SH3GL2: variants seen among roughly 807,000 people sequenced by gnomAD.
SH3GL2 encodes endophilin-A1.
Under a neutral mutation model 46.0 loss-of-function variants are expected in SH3GL2, and 24 were observed. That is an observed-to-expected ratio of 0.52 (90% confidence interval 0.38 to 0.73). The LOEUF (loss-of-function observed/expected upper bound fraction) is 0.73, where lower values mean the gene tolerates loss of function less well. Ranked by LOEUF, SH3GL2 falls within the 30% of genes least tolerant of loss-of-function variation. The pLI is 0.00. For synonymous variants in SH3GL2, 196 were observed against 147.1 expected (o/e 1.33, Z -2.40); for missense variants, 413 against 424.2 (o/e 0.97, Z 0.23).
intron 1 of SH3GL2, among the ~76,000 whole-genome samples, chr9:17,730,283 T>G (rs1398264737): frequency 1.3e-5 from 2 of 152,022 alleles, no homozygotes; most frequent in Non-Finnish European, 1.5e-5. Flanking sequence ...TATGGGAATG[T>G]TTTTGATTTT....
intron 2 of SH3GL2, among the ~76,000 whole-genome samples, chr9:17,749,643 C>G (rs1822789303): frequency 6.6e-6 from 1 of 152,152 alleles, no homozygotes; most frequent in African/African-American, 2.4e-5. Context: ...AAGCTAACTT[C>G]CTGTTTCTTA....
At chr9:17,755,869 T>A (rs1037621106) in intron 2 of SH3GL2, 1 of 615,350 alleles carries the variant, frequency 1.6e-6, no homozygotes, top group African/African-American at 2.0e-5. Context: ...GTAACCCCAT[T>A]CTAGTCATTT....
intron 1 of SH3GL2, among the ~76,000 whole-genome samples, chr9:17,710,952 C>T (rs1821605183): frequency 6.6e-6 from 1 of 151,910 alleles, no homozygotes; most frequent in Admixed American, 6.6e-5. Context: ...ACAATTATAA[C>T]AGTATACTTA....
intron 1 of SH3GL2, among the ~76,000 whole-genome samples, chr9:17,718,800 G>T (rs1193839177): frequency 6.6e-6 from 1 of 152,128 alleles, no homozygotes; most frequent in Non-Finnish European, 1.5e-5. Flanking sequence ...AGTGGGGGCT[G>T]CATTGTACTT....
intron 1 of SH3GL2, among the ~76,000 whole-genome samples, chr9:17,629,379 CTT>C (rs1352731135): frequency 1.3e-5 from 2 of 152,130 alleles, no homozygotes; most frequent in African/African-American, 4.8e-5. Context: ...ATCCACCAGT[CTT>C]TTTTATAATG....
intron 1 of SH3GL2, among the ~76,000 whole-genome samples, chr9:17,722,811 G>A (rs941738612): frequency 3.9e-5 from 6 of 151,932 alleles, no homozygotes; most frequent in African/African-American, 1.2e-4. Context: ...GTCCATATCT[G>A]ACTATAACAA....
At chr9:17,654,471 C>T (rs146774245) in intron 1 of SH3GL2, among the ~76,000 whole-genome samples, 1 of 152,074 alleles carries the variant, frequency 6.6e-6, no homozygotes, top group Non-Finnish European at 1.5e-5. Context: ...GTTGGCTAGA[C>T]CATTGAGAGT....
intron 1 of SH3GL2, among the ~76,000 whole-genome samples, chr9:17,673,296 G>A (rs1049669909): frequency 8.7e-5 from 13 of 149,936 alleles, no homozygotes; most frequent in African/African-American, 3.2e-4. Flanking sequence ...CTACAGGCAC[G>A]CACCACCATG....
At chr9:17,582,014 C>G (rs1230435320) in intron 1 of SH3GL2, among the ~76,000 whole-genome samples, 2 of 152,170 alleles carry the variant, frequency 1.3e-5, no homozygotes, top group African/African-American at 2.4e-5. Context: ...GGAGTCTGTT[C>G]ACGCAAACGT....
intron 1 of SH3GL2, among the ~76,000 whole-genome samples, chr9:17,704,941 T>C (rs1416351925): frequency 6.6e-6 from 1 of 151,512 alleles, no homozygotes; most frequent in Non-Finnish European, 1.5e-5. Context: ...AAAATAGAGA[T>C]CTTCTGCACA....
intron 1 of SH3GL2, among the ~76,000 whole-genome samples, chr9:17,605,069 C>A (rs1818739411): frequency 6.6e-6 from 1 of 151,054 alleles, no homozygotes; most frequent in African/African-American, 2.5e-5. Flanking sequence ...ACTTCCTGGG[C>A]TCAAGTGATC....
chr9:17,686,661 T>C (rs537863427), intron 1 of SH3GL2, among the ~76,000 whole-genome samples: 1 of 35,262 alleles, frequency 2.8e-5, no homozygotes, highest in Non-Finnish European at 4.4e-5. Flanking sequence ...AAATTGGAAA[T>C]CATCATTCTC....
chr9:17,787,311 A>T (rs1489030263), intron 4 of SH3GL2, 69 bp from the exon 5 acceptor site: 3 of 1,307,348 alleles, frequency 2.3e-6, no homozygotes, highest in South Asian at 1.3e-5. Flanking sequence ...TTCATCTGTG[A>T]AGGGCCCTGT....
At chr9:17,652,926 A>G (rs763686832) in intron 1 of SH3GL2, among the ~76,000 whole-genome samples, 7 of 152,054 alleles carry the variant, frequency 4.6e-5, no homozygotes, top group Non-Finnish European at 8.8e-5. Flanking sequence ...GTTCTACAGC[A>G]TTTCCTGTAG....
intron 3 of SH3GL2, among the ~76,000 whole-genome samples, chr9:17,766,105 G>T (rs1823309579): frequency 6.6e-6 from 1 of 152,192 alleles, no homozygotes; most frequent in Non-Finnish European, 1.5e-5. Flanking sequence ...TTGTCCTCTG[G>T]AACCTCACAG....
Position 17,795,582 on chromosome 9 carries a change from G to C in SH3GL2, c.898G>C (p.Asp300His), listed in dbSNP as rs139383722. 23 of 1,614,016 alleles carry C rather than the reference G, an allele frequency of 1.4e-5. No individual in the cohort carries two copies. The East Asian group carries it at 5.1e-4, about 36-fold the overall frequency. Reference protein sequence around the residue: ...MDQPCCRALYDFEPENEGELG... With the variant: ...MDQPCCRALYHFEPENEGELG... ...TCAGCCCTGCTGCCGAGCTCTGTACGACTTTGAACCTGAAAATGAAGGGGA... is the reference window on the plus strand; with the variant it reads ...TCAGCCCTGCTGCCGAGCTCTGTACCACTTTGAACCTGAAAATGAAGGGGA... The change falls in exon 9 of 9, where the codon GAC (aspartate) becomes CAC (histidine). Residue 300 changes from aspartate (D) to histidine (H), a missense_variant. By Grantham distance (81) the Asp-to-His change is moderately conservative. This residue lies in a region of SH3GL2 where 248 missense variants were observed against 215.0 expected (regional missense o/e 1.15). Transcript: ENST00000380607.
intron 1 of SH3GL2, among the ~76,000 whole-genome samples, chr9:17,596,119 C>G (rs1457952172): frequency 1.3e-5 from 2 of 152,094 alleles, no homozygotes; most frequent in Admixed American, 6.5e-5. Flanking sequence ...AGTTTCTAGC[C>G]AAGTTCTAGA....
rs186636969 is a variant in SH3GL2 at position 17,641,660 on chromosome 9, A to C, written c.45+62373A>C. Among the ~76,000 whole-genome samples the C allele has an allele frequency of 2.0e-3, 303 of 152,162 alleles. 3 individuals are homozygous for C. The highest frequency in any genetic ancestry group is 3.9e-3 in the Admixed American group (60 of 15,276). On this transcript the variant is annotated intron_variant, in intron 1 of 8. Transcript: ENST00000380607. ...CTGTGTCCATGTGTTCTCATTGTTC[A>C]ACACCCATTTATGAGTGAGAACATG... is the stretch of plus-strand genomic sequence containing the variant.
At chr9:17,761,048 G>C (rs1588310444) in intron 2 of SH3GL2, among the ~76,000 whole-genome samples, 1 of 152,326 alleles carries the variant, frequency 6.6e-6, no homozygotes, top group Admixed American at 6.5e-5. Context: ...TGAATAAGCA[G>C]AGTTGATGCT....
Sources: gnomAD v4.1 joint callset for allele counts (sites outside exome capture counted in the v4.1 genomes callset) on GRCh38, gnomAD v4.1.1 for gene constraint, gnomAD v4.1.1 regional missense constraint, MANE v1.5 for transcripts, NCBI Gene and HGNC (gene_info 2026-07-23, HGNC 2026-07-21) for gene names.